PCDHGA5: variants seen among roughly 807,000 people sequenced by gnomAD.
PCDHGA5 encodes protocadherin gamma-A5.
Under a neutral mutation model 56.7 loss-of-function variants are expected in PCDHGA5, and 36 were observed. The ratio of observed to expected loss-of-function variants is 0.64; its 90% CI spans 0.49 to 0.84. PCDHGA5 has a LOEUF of 0.84. Among genes scored for constraint, PCDHGA5 ranks in the 40% least tolerant of loss-of-function variants. The pLI, the probability that PCDHGA5 is intolerant of heterozygous loss-of-function variation, is 0.00. For missense variants in PCDHGA5, 1,305 were observed against 1,201.5 expected, an observed-to-expected ratio of 1.09 and a Z score of -1.27; for synonymous variants, 563 against 520.2, an observed-to-expected ratio of 1.08 and a Z score of -1.12.
intron 1 of PCDHGA5, among the ~76,000 whole-genome samples, chr5:141,460,934 G>GTA (rs2099001529): frequency 2.7e-5 from 4 of 149,622 alleles, no homozygotes; most frequent in African/African-American, 9.9e-5. Context: ...ATGTGTGTGT[G>GTA]TATATATATG....
Position 141,431,363 on chromosome 5 carries a change from C to A in PCDHGA5, c.2422-63444C>A. ...ATTGGTGCTGAAACGCGCCCTGGAC[C>A]GCGAAGAAAAGGCTGCTCACCACCT... On this transcript the variant is annotated intron_variant, in intron 1 of 3. Transcript: ENST00000518069. The surrounding 1 kb of genome is among the most constrained non-coding windows in gnomAD (Gnocchi z 4.8). 1 of 1,614,024 alleles carries A rather than the reference C, an allele frequency of 6.2e-7. No homozygotes were observed. Among genetic ancestry groups the A allele is most frequent in the Non-Finnish European group, 8.5e-7 (1 of 1,180,028 alleles).
chr5:141,389,309 T>C (rs763262842), intron 1 of PCDHGA5: 1 of 1,613,900 alleles, frequency 6.2e-7, no homozygotes, highest in African/African-American at 1.3e-5. Context: ...TCAGGGCTTC[T>C]GATCCGGACT....
intron 3 of PCDHGA5, 122 bp downstream of exon 3, chr5:141,505,603 G>A (rs900982128): frequency 6.5e-7 from 1 of 1,534,594 alleles, no homozygotes; most frequent in African/African-American, 1.4e-5. Flanking sequence ...TCTTTCGGCA[G>A]GTCTGAAAGG....
At chr5:141,448,662 C>T (rs1242351797) in intron 1 of PCDHGA5, among the ~76,000 whole-genome samples, 1 of 151,980 alleles carries the variant, frequency 6.6e-6, no homozygotes, top group Non-Finnish European at 1.5e-5. Flanking sequence ...CCATATTGGC[C>T]GGGCGCGGTG....
chr5:141,439,445 G>T (rs1030957687), intron 1 of PCDHGA5, among the ~76,000 whole-genome samples: 1 of 152,102 alleles, frequency 6.6e-6, no homozygotes, highest in Non-Finnish European at 1.5e-5. Context: ...ATTTTATTGC[G>T]GGAGCAAGAC....
chr5:141,492,464 C>G (rs1595116794), intron 1 of PCDHGA5, among the ~76,000 whole-genome samples: 1 of 152,354 alleles, frequency 6.6e-6, no homozygotes, highest in Non-Finnish European at 1.5e-5. Context: ...GCCTGAGGGT[C>G]CCAGATCGCG....
intron 1 of PCDHGA5, chr5:141,428,009 A>G (rs778602169): frequency 3.7e-6 from 6 of 1,602,358 alleles, no homozygotes; most frequent in African/African-American, 2.7e-5. Context: ...TCTTCGATAT[A>G]GTGCCACGCG....
At chr5:141,418,536 C>G (rs1196331424) in intron 1 of PCDHGA5, 6 of 1,614,026 alleles carry the variant, frequency 3.7e-6, no homozygotes, top group South Asian at 1.1e-5. Flanking sequence ...AGCGGTACTG[C>G]TCAGATAAGA....
rs1288831801 is a variant in PCDHGA5, at chr5:141,477,793, T to C, written c.2422-17014T>C. The C allele has an allele frequency of 6.2e-7, 1 of 1,614,050 alleles. No homozygotes were observed. The highest frequency in any genetic ancestry group is 2.2e-5 in the East Asian group (1 of 44,874). ...TCAGCGTGAACATATTTGTCACTGATCGCAATGACAATGCCCCCCAGGTCC... is the reference window on the plus strand; with the variant it reads ...TCAGCGTGAACATATTTGTCACTGACCGCAATGACAATGCCCCCCAGGTCC... On this transcript the variant is annotated intron_variant, in intron 1 of 3. Coordinates refer to ENST00000518069, the MANE Select transcript of PCDHGA5 (RefSeq NM_018918.3). This position sits in a 1 kb window ranked among gnomAD's most constrained non-coding sequence, Gnocchi z 4.9.
At chr5:141,460,848 C>A (rs528601988) in intron 1 of PCDHGA5, among the ~76,000 whole-genome samples, 1 of 150,236 alleles carries the variant, frequency 6.7e-6, no homozygotes, top group African/African-American at 2.4e-5. Context: ...GCCTCCAGTT[C>A]GATCCAAGTT....
Position 141,422,925 on chromosome 5 carries a change from T to G in PCDHGA5, c.2421+56174T>G, listed in dbSNP as rs568894245. On this transcript the variant is annotated intron_variant, in intron 1 of 3. Transcript: ENST00000518069. ...ACAATGCGCCCGAGATCCTGTACCC[T>G]GCCCTCCCCACAGACGGCTCCACTG... 1.9e-6 allele frequency: 3 copies of G among 1,614,202 alleles called. No individual in the cohort carries two copies. The Admixed American group carries it at 5.0e-5, about 27-fold the overall frequency.
chr5:141,483,401 A>G (rs1052240280), intron 1 of PCDHGA5, among the ~76,000 whole-genome samples: 2 of 152,202 alleles, frequency 1.3e-5, no homozygotes, highest in African/African-American at 4.8e-5. Context: ...TGCTTGAACC[A>G]GCACAGTGGC....
intron 1 of PCDHGA5, among the ~76,000 whole-genome samples, chr5:141,449,753 C>T (rs1260240861): frequency 6.6e-6 from 1 of 151,246 alleles, no homozygotes; most frequent in East Asian, 1.9e-4. Context: ...ATTTTTATGA[C>T]ATTTGAGAGT....
At chr5:141,376,530 G>T (rs200613052) in intron 1 of PCDHGA5, 35 of 1,613,550 alleles carry the variant, frequency 2.2e-5, no homozygotes, top group Non-Finnish European at 2.8e-5. Flanking sequence ...CCGCCTAAGC[G>T]GGAAGAGTAA....
chr5:141,452,533 A>G lies in PCDHGA5; in HGVS notation c.2422-42274A>G, dbSNP rs562306062. ...CACACTCCCTCAAAATCGTGAGTTC[A>G]TATTGATACCTCCAGTTCTGGTTCT... On this transcript the variant is annotated intron_variant, in intron 1 of 3. Transcript: ENST00000518069. Among the ~76,000 whole-genome samples the G allele has an allele frequency of 2.0e-5, 3 of 152,328 alleles. No individual in the cohort carries two copies. The East Asian group carries it at 5.8e-4, about 29-fold the overall frequency.
rs1216840918 is a variant in PCDHGA5, at chr5:141,476,285, G to C, written c.2422-18522G>C. The C allele has an allele frequency of 1.2e-6, 2 of 1,614,036 alleles. No individual in the cohort carries two copies. The highest frequency in any genetic ancestry group is 1.7e-6 in the Non-Finnish European group (2 of 1,180,032). ...CAACGTGGTCGCGAACCTTGGTTTG[G>C]ATCTCGGTAGCCTCTCAGCCCGCAG... On this transcript the variant is annotated intron_variant, in intron 1 of 3. Coordinates refer to ENST00000518069, the MANE Select transcript of PCDHGA5 (RefSeq NM_018918.3). This position sits in a 1 kb window ranked among gnomAD's most constrained non-coding sequence, Gnocchi z 7.6.
At position 141,423,255 on chromosome 5, in the gene PCDHGA5, C is replaced by T. The variant is rs368969800; in HGVS notation, c.2421+56504C>T. ...GCATCCCCGAAGTCCTGGCGGACCT[C>T]GGCAGCCTCGAGTCTCTGGCTAACT... On this transcript the variant is annotated intron_variant, in intron 1 of 3. Transcript: ENST00000518069. 2.0e-5 allele frequency: 33 copies of T among 1,613,930 alleles called. No homozygotes were observed. In the East Asian group the frequency reaches 3.8e-4, roughly 19 times the overall value.
chr5:141,375,404 AAT>A, intron 1 of PCDHGA5: 2 of 1,613,912 alleles, frequency 1.2e-6, no homozygotes, highest in Non-Finnish European at 1.7e-6. Context: ...CATCTCTCTA[AAT>A]GTGGCAGACA....
In PCDHGA5 at chr5:141,486,959, G is replaced by A. The variant is rs1161675143; in HGVS notation, c.2422-7848G>A. The A allele has an allele frequency of 1.9e-6, 3 of 1,614,098 alleles. No individual in the cohort carries two copies. In the African/African-American group the frequency reaches 4.0e-5, roughly 22 times the overall value. On this transcript the variant is annotated intron_variant, in intron 1 of 3. Transcript: ENST00000518069. The surrounding 1 kb of genome is among the most constrained non-coding windows in gnomAD (Gnocchi z 5.0). ...CCACCTAATCACAAAGGTGACTGCTGTGGACTTGGATTCAGGTTACAATGC... is the reference window on the plus strand; with the variant it reads ...CCACCTAATCACAAAGGTGACTGCTATGGACTTGGATTCAGGTTACAATGC...
Sources: gnomAD v4.1 joint callset for allele counts (sites outside exome capture counted in the v4.1 genomes callset) on GRCh38, gnomAD v4.1.1 for gene constraint, Gnocchi (gnomAD v3.1) non-coding constraint, MANE v1.5 for transcripts, NCBI Gene and HGNC (gene_info 2026-07-23, HGNC 2026-07-21) for gene names.